Variants in GPBP1 observed in about 807,000 individuals in gnomAD.
GPBP1 encodes the protein vasculin.
In GPBP1, 13 loss-of-function variants were observed where a neutral mutation model predicts 56.5. The ratio of observed to expected loss-of-function variants is 0.23; its 90% CI spans 0.15 to 0.37. The LOEUF is 0.37. Ranked by LOEUF, GPBP1 falls within the 10% of genes least tolerant of loss-of-function variation. GPBP1 has a pLI of 1.00. For synonymous variants in GPBP1, 204 were observed against 188.9 expected, an observed-to-expected ratio of 1.08 and a Z score of -0.66; for missense variants, 477 against 572.3, an observed-to-expected ratio of 0.83 and a Z score of 1.70.
chr5:57,247,263 A>G lies in GPBP1; in HGVS notation c.804+48A>G, dbSNP rs753967961. 5 of 1,459,500 alleles carry G rather than the reference A, an allele frequency of 3.4e-6. 1 individual carries two copies. Among genetic ancestry groups the G allele is most frequent in the South Asian group, 2.4e-5 (2 of 82,072 alleles). The allele number at this position is 1,459,500 out of a possible 1,614,324, so 90.4% of individuals were successfully genotyped here. A position where few individuals can be genotyped will look rare whatever the true frequency, so the allele number is the denominator to read the frequency against. ...TGAGGAATGTAACATTTTAATTATG[A>G]TAGTTTAACAGTGAATAAAAGGTAG... On this transcript the variant is annotated intron_variant, in intron 8 of 11. Coordinates refer to ENST00000506184, the MANE Select transcript of GPBP1 (RefSeq NM_022913.4).
intron 2 of GPBP1, among the ~76,000 whole-genome samples, chr5:57,208,695 C>G (rs1394229302): frequency 7.1e-6 from 1 of 141,044 alleles, no homozygotes; most frequent in Non-Finnish European, 1.5e-5. Flanking sequence ...CTCACCCCGT[C>G]GTCCAGGCTG....
Position 57,249,601 on chromosome 5 carries a change from G to C in GPBP1, c.972+25G>C, listed in dbSNP as rs770873548. 7.7e-6 allele frequency: 12 copies of C among 1,564,068 alleles called. No homozygotes were observed. The Admixed American group carries it at 9.2e-5, about 12-fold the overall frequency. On this transcript the variant is annotated intron_variant, in intron 9 of 11. Transcript: ENST00000506184. ...GGTAATTGAATTTATAGCAATACTT[G>C]ATTTGACATTGATATGTCATTGAAA... is the stretch of plus-strand genomic sequence containing the variant.
rs1446831429 is a variant in GPBP1, at chr5:57,264,080, TG to T, written c.*1330del. 1.3e-5 allele frequency: 2 copies of T among 152,132 alleles called. No homozygotes were observed. The highest frequency in any genetic ancestry group is 4.8e-5 in the African/African-American group (2 of 41,436). 9.4% of individuals were successfully genotyped at this position (152,132 alleles called of 1,614,324 possible). A position where few individuals can be genotyped will look rare whatever the true frequency, so the allele number is the denominator to read the frequency against. On this transcript the variant is annotated 3_prime_UTR_variant, in exon 12 of 12. Coordinates refer to ENST00000506184, the MANE Select transcript of GPBP1 (RefSeq NM_022913.4). ...GCTATTTCTGCATAAATACCCTACC[TG>T]GACTCCCCAGTTTTCACCAGAAACT...
At chr5:57,230,731 A>G (rs1195584826) in intron 3 of GPBP1, 115 bp from the exon 4 acceptor site, 5 of 855,756 alleles carry the variant, frequency 5.8e-6, no homozygotes, top group Middle Eastern at 4.6e-4. Flanking sequence ...AATAACTGCA[A>G]TATGTTTTTC....
At chr5:57,216,450 G>C (rs1755702326) in intron 3 of GPBP1, among the ~76,000 whole-genome samples, 1 of 152,128 alleles carries the variant, frequency 6.6e-6, no homozygotes, top group African/African-American at 2.4e-5. Flanking sequence ...GGTCGGGCGT[G>C]GTGGCTCACA....
intron 6 of GPBP1, among the ~76,000 whole-genome samples, chr5:57,241,538 C>G (rs537178772): frequency 3.2e-4 from 48 of 152,112 alleles, no homozygotes; most frequent in Non-Finnish European, 5.1e-4. Context: ...CCAGCCTGGG[C>G]AGCATAGTGA....
intron 2 of GPBP1, among the ~76,000 whole-genome samples, chr5:57,195,074 T>G (rs910056823): frequency 6.9e-6 from 1 of 144,528 alleles, no homozygotes; most frequent in Non-Finnish European, 1.5e-5. Flanking sequence ...TAAGGATGGG[T>G]TTTTTTTTTG....
chr5:57,238,191 TTTGA>T (rs911199617), intron 6 of GPBP1, among the ~76,000 whole-genome samples: 7 of 152,170 alleles, frequency 4.6e-5, no homozygotes, highest in African/African-American at 1.7e-4. Flanking sequence ...AATGTAATTG[TTTGA>T]TTGATTTCTT....
chr5:57,255,088 GT>G (rs1741593913), intron 10 of GPBP1, among the ~76,000 whole-genome samples: 1 of 152,136 alleles, frequency 6.6e-6, no homozygotes, highest in Non-Finnish European at 1.5e-5. Context: ...GAATCACCTT[GT>G]TTTTCCCCCT....
intron 2 of GPBP1, among the ~76,000 whole-genome samples, chr5:57,183,032 C>T (rs931992610): frequency 6.6e-6 from 1 of 151,510 alleles, no homozygotes; most frequent in Admixed American, 6.6e-5. Context: ...AGCCATATTT[C>T]AATTTTTTTC....
In GPBP1 at chr5:57,214,098, C is replaced by T; in HGVS notation, c.-33C>T. The stretch of plus-strand genomic sequence containing the variant: ...GGGACTTGCCATGAGGTGTTGAAGC[C>T]TTGTTTCACTGAGTTGGAGAGACTG... On this transcript the variant is annotated 5_prime_UTR_variant, in exon 3 of 12. Coordinates refer to ENST00000506184, the MANE Select transcript of GPBP1 (RefSeq NM_022913.4). 1 of 1,601,070 alleles carries T rather than the reference C, an allele frequency of 6.2e-7. No individual in the cohort carries two copies. The highest frequency in any genetic ancestry group is 8.6e-7 in the Non-Finnish European group (1 of 1,168,238).
rs193191320 is a variant in GPBP1 at position 57,247,220 on chromosome 5, G to A, written c.804+5G>A. The A allele has an allele frequency of 1.2e-6, 2 of 1,605,982 alleles. No homozygotes were observed. Among genetic ancestry groups the A allele is most frequent in the Admixed American group, 3.4e-5 (2 of 58,732 alleles). On this transcript the variant is annotated splice_donor_5th_base_variant and intron_variant, in intron 8 of 11. Transcript: ENST00000506184. The stretch of plus-strand genomic sequence containing the variant: ...TCTACAAATTCAGTGAAAGAGGTAT[G>A]ACATTAAAAATCACACTTGAGGAAT...
chr5:57,182,236 A>G (rs1188085609), intron 2 of GPBP1, among the ~76,000 whole-genome samples: 1 of 152,022 alleles, frequency 6.6e-6, no homozygotes. Context: ...GGCACCTGCC[A>G]TCAGGCCTGG....
intron 11 of GPBP1, among the ~76,000 whole-genome samples, chr5:57,261,864 G>A (rs1741908823): frequency 6.6e-6 from 1 of 152,128 alleles, no homozygotes; most frequent in Non-Finnish European, 1.5e-5. Flanking sequence ...AGGAAGTTGA[G>A]ATGCTTTTTT....
intron 2 of GPBP1, among the ~76,000 whole-genome samples, chr5:57,181,452 C>T (rs1042953963): frequency 2.7e-5 from 4 of 148,494 alleles, no homozygotes; most frequent in Non-Finnish European, 6.0e-5. Flanking sequence ...AAAAAAAGAA[C>T]CTCTGACATA....
In GPBP1 at chr5:57,237,024, G is replaced by C; in HGVS notation, c.478+992G>C. On this transcript the variant is annotated intron_variant, in intron 6 of 11. Coordinates refer to ENST00000506184, the MANE Select transcript of GPBP1 (RefSeq NM_022913.4). ...ATTTAAGGGCTTTTTGAGGGTGGGGGTGGGGGTGGTCAGACACTTTTGTTA... is the reference window on the plus strand; with the variant it reads ...ATTTAAGGGCTTTTTGAGGGTGGGGCTGGGGGTGGTCAGACACTTTTGTTA... 3 of 637,532 alleles carry C rather than the reference G, an allele frequency of 4.7e-6. No homozygotes were observed. In the Admixed American group the frequency reaches 7.5e-5, roughly 16 times the overall value. The allele number at this position is 637,532 out of a possible 1,614,324, so 39.5% of individuals were successfully genotyped here. A position where few individuals can be genotyped will look rare whatever the true frequency, so the allele number is the denominator to read the frequency against.
At chr5:57,244,273 C>G (rs1046372478) in intron 6 of GPBP1, among the ~76,000 whole-genome samples, 1 of 152,168 alleles carries the variant, frequency 6.6e-6, no homozygotes. Flanking sequence ...ATTTACTTCT[C>G]TAGAACTGTG....
At chr5:57,181,608 G>T (rs1754053420) in intron 2 of GPBP1, among the ~76,000 whole-genome samples, 1 of 151,360 alleles carries the variant, frequency 6.6e-6, no homozygotes, top group African/African-American at 2.4e-5. Flanking sequence ...AAAAGGTGGG[G>T]GGGCGGTGCG....
intron 2 of GPBP1, among the ~76,000 whole-genome samples, chr5:57,189,458 A>G (rs1014392899): frequency 7.2e-5 from 11 of 152,116 alleles, no homozygotes; most frequent in East Asian, 1.9e-4. Flanking sequence ...GGGTTTTACT[A>G]TGTTGGACAG....
Sources: allele counts gnomAD v4.1 joint callset (sites outside exome capture counted in the v4.1 genomes callset), GRCh38; gene constraint gnomAD v4.1.1; transcripts MANE v1.5; gene names NCBI Gene and HGNC (gene_info 2026-07-23, HGNC 2026-07-21).